The following ANKRD12 variants were observed in gnomAD, a reference collection of about 807,000 sequenced individuals.
ANKRD12 encodes the protein ankyrin repeat domain 12, also known as ankyrin repeat domain-containing protein 12.
In ANKRD12, 85 loss-of-function variants were observed where a neutral mutation model predicts 183.4. The ratio of observed to expected loss-of-function variants is 0.46; its 90% CI spans 0.39 to 0.56. ANKRD12 has a LOEUF of 0.56. Among genes scored for constraint, ANKRD12 ranks in the 20% least tolerant of loss-of-function variants. ANKRD12 has a pLI of 0.00. For missense variants in ANKRD12, 2,405 were observed against 2,357.1 expected (o/e 1.02, Z -0.42); for synonymous variants, 914 against 800.2 (o/e 1.14, Z -2.40).
At chr18:9,268,794 A>G (rs1156835858) in intron 10 of ANKRD12, among the ~76,000 whole-genome samples, 1 of 152,230 alleles carries the variant, frequency 6.6e-6, no homozygotes, top group Non-Finnish European at 1.5e-5. Context: ...GGAGAAGGAA[A>G]TAAAGGGTAT....
At chr18:9,184,258 T>C (rs2033894689) in intron 2 of ANKRD12, among the ~76,000 whole-genome samples, 1 of 152,256 alleles carries the variant, frequency 6.6e-6, no homozygotes, top group Admixed American at 6.5e-5. Context: ...ATTTTGGTGT[T>C]CTTAATTTCT....
chr18:9,199,055 G>A (rs2035014668), intron 3 of ANKRD12, among the ~76,000 whole-genome samples: 1 of 152,116 alleles, frequency 6.6e-6, no homozygotes, highest in Non-Finnish European at 1.5e-5. Flanking sequence ...CACTTTGGAA[G>A]GCCAAGGCAG....
intron 1 of ANKRD12, among the ~76,000 whole-genome samples, chr18:9,162,713 C>CT (rs2143807813): frequency 6.6e-6 from 1 of 152,246 alleles, no homozygotes; most frequent in African/African-American, 2.4e-5. Context: ...TCGCCAGCGT[C>CT]TGTTTCTGGA....
intron 8 of ANKRD12, among the ~76,000 whole-genome samples, chr18:9,252,747 T>C (rs1007118297): frequency 6.6e-6 from 1 of 152,180 alleles, no homozygotes; most frequent in African/African-American, 2.4e-5. Flanking sequence ...AGTGGATCAC[T>C]TGAGCTCAGG....
chr18:9,149,685 A>G (rs1355469952), intron 1 of ANKRD12, among the ~76,000 whole-genome samples: 1 of 152,148 alleles, frequency 6.6e-6, no homozygotes, highest in Non-Finnish European at 1.5e-5. Context: ...GACTATCTAA[A>G]TAGAACTCTA....
chr18:9,220,814 A>G lies in ANKRD12; in HGVS notation c.796-1038A>G, dbSNP rs73394135. Among the ~76,000 whole-genome samples the G allele has an allele frequency of 4.0e-3, 606 of 152,294 alleles. 2 individuals carry two copies. Among genetic ancestry groups the G allele is most frequent in the African/African-American group, 0.014 (563 of 41,560 alleles). On this transcript the variant is annotated intron_variant, in intron 7 of 12. Transcript: ENST00000262126. ...GATAAGTTCTCCAAAGAGATGATAT[A>G]TATTAGAACATGAGAGAGTATATCA...
chr18:9,171,132 G>T (rs189344928), intron 1 of ANKRD12, among the ~76,000 whole-genome samples: 27 of 152,210 alleles, frequency 1.8e-4, no homozygotes, highest in Non-Finnish European at 3.4e-4. Context: ...GTGCCTCCCA[G>T]TTAGGCTACT....
At chr18:9,231,264 C>T (rs1017618483) in intron 8 of ANKRD12, among the ~76,000 whole-genome samples, 1 of 152,008 alleles carries the variant, frequency 6.6e-6, no homozygotes, top group Non-Finnish European at 1.5e-5. Flanking sequence ...TCTGTTAGGT[C>T]CTTTGGTCTG....
intron 6 of ANKRD12, among the ~76,000 whole-genome samples, chr18:9,212,718 C>T (rs1408087908): frequency 6.6e-6 from 1 of 151,598 alleles, no homozygotes; most frequent in Non-Finnish European, 1.5e-5. Flanking sequence ...ATTCATACTA[C>T]CATCAAGAGT....
rs758124243 is a variant in ANKRD12 at position 9,195,565 on chromosome 18, T to A, written c.102T>A (p.Ile34=). ...KPYGRKSKDK[I]ASYSKTPKIE... The stretch of plus-strand genomic sequence containing the variant: ...CTTTTTAATAGAGTAAAGACAAGAT[T>A]GCATCCTACAGCAAAACTCCAAAAA... The change falls in exon 3 of 13, where the codon ATT becomes ATA. Residue 34 remains isoleucine (I), a synonymous_variant. Coordinates refer to ENST00000262126, the MANE Select transcript of ANKRD12 (RefSeq NM_015208.5). The A allele has an allele frequency of 6.2e-7, 1 of 1,606,064 alleles. No individual in the cohort carries two copies. The highest frequency in any genetic ancestry group is 1.7e-5 in the Admixed American group (1 of 58,976).
At chr18:9,248,517 C>T (rs1339551836) in intron 8 of ANKRD12, among the ~76,000 whole-genome samples, 1 of 152,142 alleles carries the variant, frequency 6.6e-6, no homozygotes, top group Non-Finnish European at 1.5e-5. Flanking sequence ...CAGTGAGCTT[C>T]TGAAGGAGGC....
intron 9 of ANKRD12, among the ~76,000 whole-genome samples, chr18:9,262,787 C>T (rs12966812): frequency 0.59 from 50,210 of 84,584 alleles, 16,259 homozygotes; most frequent in South Asian, 0.81. Flanking sequence ...CAAGATGTCC[C>T]TTTTTTTTTT....
chr18:9,256,137 A>T lies in ANKRD12; in HGVS notation c.2870A>T (p.Glu957Val), dbSNP rs1204603861. ...EKGKNKEKDRELDKKEKSRDK... is the reference protein window; with the variant it reads ...EKGKNKEKDRVLDKKEKSRDK... ...GGCAAAAATAAAGAAAAAGACAGGG[A>T]GCTAGATAAAAAGGAAAAATCTAGA... is the stretch of plus-strand genomic sequence containing the variant. The change falls in exon 9 of 13, where the codon GAG becomes GTG. Residue 957 changes from glutamate (E) to valine (V), a missense_variant. By Grantham distance (121) the Glu-to-Val change is moderately radical (BLOSUM62 -2). This residue lies in a region of ANKRD12 where 1,983 missense variants were observed against 1,725.9 expected (regional missense o/e 1.15). Coordinates refer to ENST00000262126, the MANE Select transcript of ANKRD12 (RefSeq NM_015208.5). The T allele has an allele frequency of 2.6e-6, 4 of 1,559,318 alleles. No homozygotes were observed. The highest frequency in any genetic ancestry group is 1.4e-5 in the African/African-American group (1 of 71,692).
chr18:9,217,160 T>G lies in ANKRD12; in HGVS notation c.795+260T>G, dbSNP rs2036154725. On this transcript the variant is annotated intron_variant, in intron 7 of 12. Coordinates refer to ENST00000262126, the MANE Select transcript of ANKRD12 (RefSeq NM_015208.5). ...AATTTTTATTTCAAGGCATTCTTTATAAGACAATTGGATGTGTTAAAGCAG... is the reference window on the plus strand; with the variant it reads ...AATTTTTATTTCAAGGCATTCTTTAGAAGACAATTGGATGTGTTAAAGCAG... Among the ~76,000 whole-genome samples, 3 of 152,238 alleles carry G rather than the reference T, an allele frequency of 2.0e-5. No individual in the cohort carries two copies. The South Asian group carries it at 6.2e-4, about 32-fold the overall frequency.
chr18:9,211,464 G>T, intron 5 of ANKRD12, 120 bp from the exon 6 acceptor site: 1 of 855,240 alleles, frequency 1.2e-6, no homozygotes, highest in Non-Finnish European at 1.8e-6. Context: ...GGTTTAGGTT[G>T]TTAGGGTGAG....
At chr18:9,149,636 G>A (rs75975966) in intron 1 of ANKRD12, among the ~76,000 whole-genome samples, 1,574 of 152,014 alleles carry the variant, frequency 0.01, 22 homozygotes, top group African/African-American at 0.036. Context: ...ATTTGGCTAG[G>A]ATTAGTAGAT....
At chr18:9,219,915 G>C (rs959135405) in intron 7 of ANKRD12, among the ~76,000 whole-genome samples, 2 of 152,188 alleles carry the variant, frequency 1.3e-5, no homozygotes, top group African/African-American at 4.8e-5. Context: ...ACCCTGGGTA[G>C]ATTACTGGAA....
chr18:9,242,906 ATACT>A (rs536035029), intron 8 of ANKRD12, among the ~76,000 whole-genome samples: 5 of 152,214 alleles, frequency 3.3e-5, no homozygotes, highest in Non-Finnish European at 5.9e-5. Context: ...CTTATCTGGC[ATACT>A]TACCTCTGAA....
At chr18:9,170,523 G>A (rs1228523403) in intron 1 of ANKRD12, among the ~76,000 whole-genome samples, 2 of 151,984 alleles carry the variant, frequency 1.3e-5, no homozygotes, top group East Asian at 1.9e-4. Flanking sequence ...TTCTGCATTC[G>A]TCATGTAGCT....
Sources: gnomAD v4.1 joint callset for allele counts (sites outside exome capture counted in the v4.1 genomes callset) on GRCh38, gnomAD v4.1.1 for gene constraint, gnomAD v4.1.1 regional missense constraint, MANE v1.5 for transcripts, NCBI Gene and HGNC (gene_info 2026-07-23, HGNC 2026-07-21) for gene names.